ZPBP: variants seen among roughly 807,000 people sequenced by gnomAD.
The protein encoded by ZPBP is zona pellucida binding protein.
Under a neutral mutation model 44.8 loss-of-function variants are expected in ZPBP, and 26 were observed. That is an observed-to-expected ratio of 0.58 (90% CI 0.43 to 0.81). ZPBP has a LOEUF of 0.81. ZPBP is among the 30% of genes least tolerant of loss of function. The pLI, the probability that ZPBP is intolerant of heterozygous loss-of-function variation, is 0.00. For synonymous variants in ZPBP, 174 were observed against 153.2 expected (o/e 1.14, Z -1.00); for missense variants, 409 against 434.0 (o/e 0.94, Z 0.51).
At chr7:50,023,907 A>C (rs1584065116) in intron 5 of ZPBP, among the ~76,000 whole-genome samples, 1 of 152,076 alleles carries the variant, frequency 6.6e-6, no homozygotes, top group Non-Finnish European at 1.5e-5. Flanking sequence ...AAAGAATTAA[A>C]TAGATTGAAG....
intron 2 of ZPBP, among the ~76,000 whole-genome samples, chr7:49,889,043 G>A (rs1179881005): frequency 6.6e-6 from 1 of 152,252 alleles, no homozygotes; most frequent in African/African-American, 2.4e-5. Flanking sequence ...ACAGGCTGTA[G>A]GCTGAGTGCT....
chr7:49,931,207 G>C (rs1258903465), intron 1 of ZPBP, among the ~76,000 whole-genome samples: 1 of 152,164 alleles, frequency 6.6e-6, no homozygotes, highest in Non-Finnish European at 1.5e-5. Flanking sequence ...CATGAGAACA[G>C]ACTAATACAG....
Position 49,910,706 on chromosome 7 carries a change from C to A in ZPBP, n.412-9491G>T, listed in dbSNP as rs186454238. ...AGTGCAGATGTGACACATTTGTTGG[C>A]TGATATATTATAGCTGATATAGAAT... On this transcript the variant is annotated intron_variant and non_coding_transcript_variant, in intron 1 of 2. Transcript: ENST00000465922. Among the ~76,000 whole-genome samples, 148 of 152,292 alleles carry A rather than the reference C, an allele frequency of 9.7e-4. 1 individual carries two copies. In the East Asian group the frequency reaches 0.023, roughly 24 times the overall value.
chr7:49,983,535 A>G lies in ZPBP; in HGVS notation c.784-16T>C, dbSNP rs1797121833. 1.4e-6 allele frequency: 2 copies of G among 1,479,888 alleles called. No homozygotes were observed. The highest frequency in any genetic ancestry group is 1.9e-6 in the Non-Finnish European group (2 of 1,071,838). The allele number at this position is 1,479,888 out of a possible 1,614,324, so 91.7% of individuals were successfully genotyped here. On this transcript the variant is annotated splice_polypyrimidine_tract_variant and intron_variant, in intron 6 of 7. Transcript: ENST00000046087. ...GATTTTTAGCCTAAAACATAAATAC[A>G]ATTTGATAAACTGTTAGCCATAAAA...
chr7:50,086,786 C>T (rs575703856), intron 2 of ZPBP, among the ~76,000 whole-genome samples: 46 of 151,836 alleles, frequency 3.0e-4, no homozygotes, highest in Admixed American at 1.1e-3. Flanking sequence ...TTTTAATAAT[C>T]GCAAAAAATC....
intron 3 of ZPBP, among the ~76,000 whole-genome samples, chr7:50,071,045 A>G (rs936123793): frequency 2.6e-5 from 4 of 152,170 alleles, no homozygotes; most frequent in African/African-American, 9.7e-5. Flanking sequence ...TCTGATTACA[A>G]ATTTTTTAAT....
In ZPBP at chr7:49,999,211, C is replaced by CAT. The variant is rs141260312; in HGVS notation, c.784-15694_784-15693dup. ...CTCTCCAATTCCTATAATAAGTCTCCATATATATATATATATGCATGTGTG... is the reference window on the plus strand; with the variant it reads ...CTCTCCAATTCCTATAATAAGTCTCCATATATATATATATATATGCATGTGTG... On this transcript the variant is annotated intron_variant, in intron 6 of 7. Coordinates refer to ENST00000046087, the MANE Select transcript of ZPBP (RefSeq NM_007009.3). Among the ~76,000 whole-genome samples, 935 of 144,666 alleles carry CAT rather than the reference C, an allele frequency of 6.5e-3. 6 individuals are homozygous for CAT. The highest frequency in any genetic ancestry group is 8.7e-3 in the African/African-American group (343 of 39,428). The allele number at this position is 144,666 out of a possible 152,430, so 94.9% of individuals were successfully genotyped here. A position where few individuals can be genotyped will look rare whatever the true frequency, so the allele number is the denominator to read the frequency against.
intron 6 of ZPBP, among the ~76,000 whole-genome samples, chr7:50,011,401 G>A (rs188576295): frequency 2.0e-5 from 3 of 152,228 alleles, no homozygotes; most frequent in Admixed American, 6.5e-5. Flanking sequence ...CACAACAAAG[G>A]AAATAATCAG....
chr7:49,972,923 T>C (rs989794665), intron 7 of ZPBP, among the ~76,000 whole-genome samples: 1 of 151,808 alleles, frequency 6.6e-6, no homozygotes, highest in Admixed American at 6.6e-5. Context: ...AAAAAACCAC[T>C]TGTATAAATT....
At chr7:49,956,222 T>C (rs1795584951) in intron 7 of ZPBP, among the ~76,000 whole-genome samples, 1 of 152,036 alleles carries the variant, frequency 6.6e-6, no homozygotes, top group South Asian at 2.1e-4. Flanking sequence ...CATTATTATC[T>C]AGAAAAATCT....
chr7:50,081,779 A>G lies in ZPBP; in HGVS notation c.329T>C (p.Val110Ala). Residue 110 changes from valine (V) to alanine (A), a missense_variant, in exon 3 of 8, where the codon GTT becomes GCT. This residue lies in a region of ZPBP where 367 missense variants were observed against 363.1 expected (regional missense o/e 1.01). Transcript: ENST00000046087. Reference sequence around the variant, plus strand: ...TAATTGAAACAAAATCCTACCTGAAACAACTTTTCCTTTAGGCCCATACCA... The same window carrying G: ...TAATTGAAACAAAATCCTACCTGAAGCAACTTTTCCTTTAGGCCCATACCA... ...FQWYGPKGKV[V>A]SVENRTAQIT... is the part of the protein sequence containing the mutation. 1 of 1,611,020 alleles carries G rather than the reference A, an allele frequency of 6.2e-7. No individual in the cohort carries two copies. The highest frequency in any genetic ancestry group is 8.5e-7 in the Non-Finnish European group (1 of 1,177,950).
chr7:50,079,718 C>T (rs1802271067), intron 3 of ZPBP, among the ~76,000 whole-genome samples: 1 of 151,632 alleles, frequency 6.6e-6, no homozygotes, highest in African/African-American at 2.4e-5. Flanking sequence ...TCACCACACA[C>T]ACACAAAATG....
intron 7 of ZPBP, among the ~76,000 whole-genome samples, chr7:49,966,994 T>C (rs543212782): frequency 6.6e-6 from 1 of 152,184 alleles, no homozygotes; most frequent in South Asian, 2.1e-4. Flanking sequence ...TCCAAAATTC[T>C]ACAAGCAGAA....
At chr7:50,020,058 A>C (rs1008521127) in intron 5 of ZPBP, among the ~76,000 whole-genome samples, 1 of 151,800 alleles carries the variant, frequency 6.6e-6, no homozygotes, top group African/African-American at 2.4e-5. Context: ...AAAAAAAAAA[A>C]AAAGAAAGAA....
intron 6 of ZPBP, among the ~76,000 whole-genome samples, chr7:49,997,894 T>G (rs1797922081): frequency 7.0e-6 from 1 of 143,134 alleles, no homozygotes; most frequent in African/African-American, 2.7e-5. Context: ...TCTTTCTCAA[T>G]TAAATGTCTT....
intron 2 of ZPBP, among the ~76,000 whole-genome samples, chr7:49,866,119 TTCATA>T (rs1445241594): frequency 1.3e-5 from 2 of 152,224 alleles, no homozygotes; most frequent in Non-Finnish European, 2.9e-5. Context: ...TCCTGGCTCC[TTCATA>T]TCGCCTCTAA....
chr7:50,082,579 T>G (rs1337119378), intron 2 of ZPBP, among the ~76,000 whole-genome samples: 1 of 151,790 alleles, frequency 6.6e-6, no homozygotes, highest in Non-Finnish European at 1.5e-5. Context: ...ATGCCAACTC[T>G]TCACTGATAC....
chr7:49,975,092 A>T lies in ZPBP; in HGVS notation c.961+8250T>A, dbSNP rs1205909138. ...AAGCAGTTTGCTTTCAGTCTGCGAA[A>T]CTCAGACAAATAGCTTCCTGCTACA... On this transcript the variant is annotated intron_variant, in intron 7 of 7. Transcript: ENST00000046087. Among the ~76,000 whole-genome samples, 6 of 152,054 alleles carry T rather than the reference A, an allele frequency of 3.9e-5. No individual in the cohort carries two copies. In the East Asian group the frequency reaches 1.2e-3, roughly 30 times the overall value.
At chr7:50,041,565 G>T (rs1800096726) in intron 4 of ZPBP, among the ~76,000 whole-genome samples, 1 of 152,136 alleles carries the variant, frequency 6.6e-6, no homozygotes, top group African/African-American at 2.4e-5. Flanking sequence ...GCAGCAGAAG[G>T]GCCTGTTAGA....
Sources: gnomAD v4.1 joint callset for allele counts (sites outside exome capture counted in the v4.1 genomes callset) on GRCh38, gnomAD v4.1.1 for gene constraint, gnomAD v4.1.1 regional missense constraint, MANE v1.5 for transcripts, NCBI Gene and HGNC (gene_info 2026-07-23, HGNC 2026-07-21) for gene names.